Variants in CHRM3 observed in about 807,000 individuals in gnomAD.
CHRM3 encodes cholinergic receptor muscarinic 3.
In CHRM3, 11 loss-of-function variants were observed where a neutral mutation model predicts 41.8. The observed-to-expected ratio is 0.26, with a 90% CI of 0.17 to 0.44. The LOEUF (loss-of-function observed/expected upper bound fraction) is 0.44, where lower values mean the gene tolerates loss of function less well. CHRM3 is among the 20% of genes least tolerant of loss of function. The pLI is 1.00. For synonymous variants in CHRM3, 297 were observed against 301.4 expected (o/e 0.99, Z 0.15); for missense variants, 571 against 745.4 (o/e 0.77, Z 2.72).
At chr1:239,887,403 T>C (rs914116717) in intron 6 of CHRM3, among the ~76,000 whole-genome samples, 2 of 152,178 alleles carry the variant, frequency 1.3e-5, no homozygotes, top group Non-Finnish European at 2.9e-5. Flanking sequence ...GGTTTCACCA[T>C]GTTGGCCAGG....
intron 5 of CHRM3, among the ~76,000 whole-genome samples, chr1:239,808,794 C>A (rs999226851): frequency 6.6e-6 from 1 of 152,162 alleles, no homozygotes; most frequent in African/African-American, 2.4e-5. Context: ...ATTAAATCAG[C>A]ACTCTCTTAG....
chr1:239,733,595 G>C (rs1664154091), intron 5 of CHRM3, among the ~76,000 whole-genome samples: 1 of 151,804 alleles, frequency 6.6e-6, no homozygotes, highest in Non-Finnish European at 1.5e-5. Context: ...TGCATATAGA[G>C]GTATTTTAGT....
intron 5 of CHRM3, among the ~76,000 whole-genome samples, chr1:239,790,209 G>C (rs1435316555): frequency 1.3e-5 from 2 of 152,166 alleles, no homozygotes; most frequent in East Asian, 3.9e-4. Context: ...ATGCAGAAAT[G>C]AGCTAAGATT....
intron 6 of CHRM3, among the ~76,000 whole-genome samples, chr1:239,897,372 A>C (rs1262891494): frequency 6.6e-6 from 1 of 152,172 alleles, no homozygotes; most frequent in African/African-American, 2.4e-5. Flanking sequence ...AAGCCAAAGG[A>C]ATTTTCTTCA....
At chr1:239,781,828 G>A (rs745338132) in intron 5 of CHRM3, among the ~76,000 whole-genome samples, 12 of 149,560 alleles carry the variant, frequency 8.0e-5, no homozygotes, top group Non-Finnish European at 1.2e-4. Flanking sequence ...TCATGAATAC[G>A]TGTTGGGTTT....
intron 5 of CHRM3, among the ~76,000 whole-genome samples, chr1:239,788,676 G>T (rs1291802233): frequency 1.3e-5 from 2 of 152,106 alleles, no homozygotes; most frequent in African/African-American, 4.8e-5. Flanking sequence ...TGAGGTAGGA[G>T]AATTGCTTGA....
At chr1:239,716,126 G>T (rs112650107) in intron 5 of CHRM3, among the ~76,000 whole-genome samples, 6 of 152,188 alleles carry the variant, frequency 3.9e-5, no homozygotes, top group African/African-American at 1.4e-4. Flanking sequence ...ACTAACAGGA[G>T]GATGTTTGAA....
chr1:239,466,997 C>G (rs1665776802), intron 1 of CHRM3, among the ~76,000 whole-genome samples: 1 of 152,106 alleles, frequency 6.6e-6, no homozygotes, highest in African/African-American at 2.4e-5. Flanking sequence ...GTACTATCAT[C>G]CTGGAGTAAG....
intron 5 of CHRM3, among the ~76,000 whole-genome samples, chr1:239,772,567 G>T (rs1667777641): frequency 6.6e-6 from 1 of 152,092 alleles, no homozygotes; most frequent in African/African-American, 2.4e-5. Context: ...CTGTTTAAAG[G>T]CCTTCTATTG....
rs552859823 is a variant in CHRM3, at chr1:239,718,634, A to G, written c.-147+40346A>G. ...TTTTTTTTTTGAAGCCTACTTGCAT[A>G]GTTCTAAGGAGTGTCATAGCTCACA... On this transcript the variant is annotated intron_variant, in intron 5 of 6. Coordinates refer to ENST00000676153, the MANE Select transcript of CHRM3 (RefSeq NM_001375978.1). Among the ~76,000 whole-genome samples, 5 of 151,926 alleles carry G rather than the reference A, an allele frequency of 3.3e-5. No individual in the cohort carries two copies. The East Asian group carries it at 7.8e-4, about 24-fold the overall frequency.
intron 2 of CHRM3, among the ~76,000 whole-genome samples, chr1:239,534,511 G>T (rs1658006315): frequency 6.6e-6 from 1 of 152,134 alleles, no homozygotes; most frequent in Non-Finnish European, 1.5e-5. Context: ...TGATGCCAAA[G>T]TTAGCCACAT....
At chr1:239,832,119 T>A (rs1173771600) in intron 6 of CHRM3, among the ~76,000 whole-genome samples, 1 of 152,198 alleles carries the variant, frequency 6.6e-6, no homozygotes, top group Non-Finnish European at 1.5e-5. Context: ...GTAAAATCAC[T>A]TGAGAGGAAG....
chr1:239,704,903 A>G (rs897647715), intron 5 of CHRM3: 1 of 152,202 alleles, frequency 6.6e-6, no homozygotes, highest in Admixed American at 6.5e-5. Context: ...ACTCCAAATT[A>G]AAGAAGTACA....
chr1:239,515,309 C>T (rs74622453), intron 2 of CHRM3, among the ~76,000 whole-genome samples: 2,219 of 151,458 alleles, frequency 0.015, 24 homozygotes, highest in Non-Finnish European at 0.024. Context: ...AAAAGCATTA[C>T]GTAAATTTTA....
At chr1:239,453,770 A>G (rs760036656) in intron 1 of CHRM3, among the ~76,000 whole-genome samples, 3 of 152,194 alleles carry the variant, frequency 2.0e-5, no homozygotes, top group Non-Finnish European at 4.4e-5. Flanking sequence ...AGGTGGATTT[A>G]GAGGTACAAC....
At chr1:239,662,993 C>T (rs2149022969) in intron 4 of CHRM3, among the ~76,000 whole-genome samples, 1 of 146,104 alleles carries the variant, frequency 6.8e-6, no homozygotes, top group Admixed American at 7.1e-5. Context: ...CTTCCTTGTC[C>T]TTCTCCTTCT....
intron 6 of CHRM3, among the ~76,000 whole-genome samples, chr1:239,881,560 T>C (rs1029314917): frequency 1.3e-5 from 2 of 152,174 alleles, no homozygotes; most frequent in Non-Finnish European, 2.9e-5. Flanking sequence ...TCCTATGTCA[T>C]AAATCAATCG....
intron 2 of CHRM3, among the ~76,000 whole-genome samples, chr1:239,529,026 G>T (rs113632365): frequency 0.015 from 2,349 of 152,260 alleles, 31 homozygotes; most frequent in Non-Finnish European, 0.023. Context: ...ATACCTGTTA[G>T]ATCCTCTGTT....
At chr1:239,560,008 C>A (rs1660712826) in intron 3 of CHRM3, among the ~76,000 whole-genome samples, 1 of 152,140 alleles carries the variant, frequency 6.6e-6, no homozygotes, top group Non-Finnish European at 1.5e-5. Context: ...TAACTACATA[C>A]CACTTATTCA....
Sources: gnomAD v4.1 joint callset for allele counts (sites outside exome capture counted in the v4.1 genomes callset) on GRCh38, gnomAD v4.1.1 for gene constraint, MANE v1.5 for transcripts, NCBI Gene and HGNC (gene_info 2026-07-23, HGNC 2026-07-21) for gene names.